The following GALNT16 variants were observed in gnomAD, a reference collection of about 807,000 sequenced individuals.
GALNT16 encodes the protein UDP-GalNAc:polypeptide N-acetylgalactosaminyltransferase-like protein 1.
A neutral mutation model predicts 76.1 loss-of-function variants in GALNT16; 40 were observed. The ratio of observed to expected loss-of-function variants is 0.53; its 90% CI spans 0.41 to 0.68. The LOEUF (loss-of-function observed/expected upper bound fraction) is 0.68, where lower values mean the gene tolerates loss of function less well. GALNT16 is among the 30% of genes least tolerant of loss of function. GALNT16 has a pLI of 0.00. For missense variants in GALNT16, 621 were observed against 731.9 expected, an observed-to-expected ratio of 0.85 and a Z score of 1.75; for synonymous variants, 276 against 285.2, an observed-to-expected ratio of 0.97 and a Z score of 0.32.
At chr14:69,274,712 A>C (rs2044449240) in intron 1 of GALNT16, among the ~76,000 whole-genome samples, 1 of 152,190 alleles carries the variant, frequency 6.6e-6, no homozygotes, top group South Asian at 2.1e-4. Flanking sequence ...TAAACAGAAG[A>C]GTAGTAAGAT....
chr14:69,369,214 A>G, the GALNT16 span, among the ~76,000 whole-genome samples: 2 of 152,222 alleles, frequency 1.3e-5, no homozygotes, highest in Non-Finnish European at 2.9e-5. Context: ...AGGAGGACAC[A>G]TAGGAATGGA....
chr14:69,280,051 A>AG (rs1177146367), intron 1 of GALNT16, among the ~76,000 whole-genome samples: 1 of 152,232 alleles, frequency 6.6e-6, no homozygotes, highest in African/African-American at 2.4e-5. Flanking sequence ...TATAAGATAA[A>AG]CTTTACCATC....
chr14:69,328,619 C>A lies in GALNT16; in HGVS notation c.690+48C>A, dbSNP rs200438165. 83 of 1,586,692 alleles carry A rather than the reference C, an allele frequency of 5.2e-5. No individual in the cohort carries two copies. The East Asian group carries it at 1.3e-3, about 25-fold the overall frequency. On this transcript the variant is annotated intron_variant, in intron 6 of 14. Coordinates refer to ENST00000448469, the MANE Select transcript of GALNT16 (RefSeq NM_001168368.2). ...CTGGGCGTCCTTGGGGACTCAGCCA[C>A]TACGTTCCTGGCACCGAGGCCTATG...
the GALNT16 span, among the ~76,000 whole-genome samples, chr14:69,379,431 C>CA: frequency 0.021 from 3,224 of 151,612 alleles, 53 homozygotes; most frequent in Middle Eastern, 0.065. Context: ...CATAAAACAA[C>CA]AAAAAAAATA....
chr14:69,260,960 C>T (rs567408077), intron 1 of GALNT16, among the ~76,000 whole-genome samples: 23 of 152,198 alleles, frequency 1.5e-4, no homozygotes, highest in Admixed American at 1.3e-3. Context: ...TCTCTAGGCG[C>T]TGCGCCTGGC....
In GALNT16 at chr14:69,328,308, C is replaced by G. The variant is rs77946430; in HGVS notation, c.569-142C>G. 620 of 833,478 alleles carry G rather than the reference C, an allele frequency of 7.4e-4. 8 individuals carry two copies. In the East Asian group the frequency reaches 0.016, roughly 22 times the overall value. The allele number at this position is 833,478 out of a possible 1,614,324, so 51.6% of individuals were successfully genotyped here. A position where few individuals can be genotyped will look rare whatever the true frequency, so the allele number is the denominator to read the frequency against. On this transcript the variant is annotated intron_variant, in intron 5 of 14. Transcript: ENST00000448469. ...GCAAGGGAGGGAGGCAGGAAACAAG[C>G]AGAAGTATAAAGTCAAATCTAATCA...
At chr14:69,321,204 G>A (rs1316709095) in intron 2 of GALNT16, among the ~76,000 whole-genome samples, 1 of 152,216 alleles carries the variant, frequency 6.6e-6, no homozygotes, top group Non-Finnish European at 1.5e-5. Flanking sequence ...TGCCTAAAGT[G>A]GAGAGAGTCA....
chr14:69,359,325 G>C (rs1168247449), downstream of GALNT16: 1 of 152,182 alleles, frequency 6.6e-6, no homozygotes, highest in African/African-American at 2.4e-5. Flanking sequence ...GTTTGTTTTT[G>C]TTTTGCTTTG....
chr14:69,286,248 T>C (rs979511061), intron 1 of GALNT16, among the ~76,000 whole-genome samples: 3 of 151,588 alleles, frequency 2.0e-5, no homozygotes, highest in Admixed American at 6.6e-5. Flanking sequence ...CTCTATTTCT[T>C]GGTAGGGATT....
intron 1 of GALNT16, among the ~76,000 whole-genome samples, chr14:69,315,773 G>T (rs1232226465): frequency 6.6e-6 from 1 of 151,902 alleles, no homozygotes; most frequent in Non-Finnish European, 1.5e-5. Flanking sequence ...TGAACTTTTG[G>T]TCACTAGAGA....
rs1594873379 is a variant in GALNT16, at chr14:69,352,348, G to A, written c.*180G>A. Reference sequence around the variant, plus strand: ...GTTCTAGGAGGGCGCAGGCGGGCACGCCCCGATGCCCTCAGTGCTGTCCTG... The same window carrying A: ...GTTCTAGGAGGGCGCAGGCGGGCACACCCCGATGCCCTCAGTGCTGTCCTG... On this transcript the variant is annotated 3_prime_UTR_variant, in exon 15 of 15. Transcript: ENST00000448469. 3 of 615,754 alleles carry A rather than the reference G, an allele frequency of 4.9e-6. No homozygotes were observed. Among genetic ancestry groups the A allele is most frequent in the Admixed American group, 6.3e-5 (2 of 31,908 alleles). 38.1% of individuals were successfully genotyped at this position (615,754 alleles called of 1,614,324 possible).
chr14:69,342,498 G>C lies in GALNT16; in HGVS notation c.1271+734G>C, dbSNP rs372741391. On this transcript the variant is annotated intron_variant, in intron 12 of 14. Transcript: ENST00000448469. ...GAAGGGAGGGAGGGAGGGAGGGAGG[G>C]AGGGAGGGAGGAAGGAAGGGGAGAG... Among the ~76,000 whole-genome samples, 8 of 71,174 alleles carry C rather than the reference G, an allele frequency of 1.1e-4. No homozygotes were observed. The East Asian group carries it at 3.7e-3, about 33-fold the overall frequency. 46.7% of individuals were successfully genotyped at this position (71,174 alleles called of 152,430 possible).
At chr14:69,384,557 C>T in the GALNT16 span, among the ~76,000 whole-genome samples, 4 of 152,122 alleles carry the variant, frequency 2.6e-5, no homozygotes, top group African/African-American at 4.8e-5. Flanking sequence ...ATCCCAAAAG[C>T]GTCAGGATTA....
At chr14:69,340,877 G>A (rs1028621985) in intron 11 of GALNT16, among the ~76,000 whole-genome samples, 2 of 127,828 alleles carry the variant, frequency 1.6e-5, no homozygotes, top group Admixed American at 7.7e-5. Flanking sequence ...TACATGGGGC[G>A]TATTATATTA....
Position 69,315,696 on chromosome 14 carries a change from T to G in GALNT16, c.178-5015T>G, listed in dbSNP as rs2045089625. On this transcript the variant is annotated intron_variant, in intron 1 of 14. Transcript: ENST00000448469. ...TGACTCACTTGTTGGGTTTTGGGTT[T>G]GACTTTGTTTTTTACTTGTGGAGAA... is the stretch of plus-strand genomic sequence containing the variant. 2.0e-5 allele frequency among the ~76,000 whole-genome samples: 3 copies of G among 152,212 alleles called. No individual in the cohort carries two copies. The South Asian group carries it at 6.2e-4, about 32-fold the overall frequency.
Position 69,331,492 on chromosome 14 carries a change from T to C in GALNT16, c.719T>C (p.Ile240Thr). 2 of 1,609,540 alleles carry C rather than the reference T, an allele frequency of 1.2e-6. No homozygotes were observed. The highest frequency in any genetic ancestry group is 1.7e-6 in the Non-Finnish European group (2 of 1,175,802). ...CACACCCGCGTGGTGAGTCCCATCA[T>C]TGATGTCATCAGTCTGGATAATTTT... is the stretch of plus-strand genomic sequence containing the variant. ...EDHTRVVSPI[I>T]DVISLDNFAY... The change falls in exon 7 of 15, where the codon ATT becomes ACT. Residue 240 changes from isoleucine to threonine, a missense_variant. Transcript: ENST00000448469.
chr14:69,283,880 A>G (rs2044576104), intron 1 of GALNT16, among the ~76,000 whole-genome samples: 1 of 152,184 alleles, frequency 6.6e-6, no homozygotes, highest in African/African-American at 2.4e-5. Flanking sequence ...ACTATGTGTC[A>G]TGAACTGTAC....
chr14:69,333,530 C>T lies in GALNT16; in HGVS notation c.897C>T (p.Ile299=), dbSNP rs747702206. ...TPVIAGGIFV[I]DKSWFNHLGK... is the part of the protein sequence containing the mutation. Reference sequence around the variant, plus strand: ...TCATAGCTGGAGGAATCTTCGTGATCGACAAGTCCTGGTTTAACCACTTGG... The same window carrying T: ...TCATAGCTGGAGGAATCTTCGTGATTGACAAGTCCTGGTTTAACCACTTGG... Residue 299 remains isoleucine (I), a synonymous_variant, in exon 9 of 15, where the codon ATC becomes ATT. Transcript: ENST00000448469. This position sits in a 1 kb window ranked among gnomAD's most constrained non-coding sequence, Gnocchi z 4.2. The T allele has an allele frequency of 1.2e-5, 20 of 1,610,928 alleles. No individual in the cohort carries two copies. The highest frequency in any genetic ancestry group is 1.6e-5 in the Non-Finnish European group (19 of 1,178,120).
At chr14:69,297,134 A>G (rs938338160) in intron 1 of GALNT16, among the ~76,000 whole-genome samples, 1 of 152,214 alleles carries the variant, frequency 6.6e-6, no homozygotes, top group Non-Finnish European at 1.5e-5. Flanking sequence ...ATCATGCAAA[A>G]TATCTATAGG....
Sources: gnomAD v4.1 joint callset for allele counts (sites outside exome capture counted in the v4.1 genomes callset) on GRCh38, gnomAD v4.1.1 for gene constraint, Gnocchi (gnomAD v3.1) non-coding constraint, MANE v1.5 for transcripts, NCBI Gene and HGNC (gene_info 2026-07-23, HGNC 2026-07-21) for gene names.